The following MAGI2 variants were observed in gnomAD, a reference collection of about 807,000 sequenced individuals.
MAGI2 encodes the protein membrane-associated guanylate kinase, WW and PDZ domain-containing protein 2.
Under a neutral mutation model 133.3 loss-of-function variants are expected in MAGI2, and 35 were observed. That is an observed-to-expected ratio of 0.26 (90% CI 0.20 to 0.35). The LOEUF (loss-of-function observed/expected upper bound fraction) is 0.35. MAGI2 is among the 10% of genes least tolerant of loss of function. The pLI, the probability that MAGI2 is intolerant of heterozygous loss-of-function variation, is 1.00. For synonymous variants in MAGI2, 729 were observed against 710.6 expected, an observed-to-expected ratio of 1.03 and a Z score of -0.41; for missense variants, 1,636 against 1,863.4, an observed-to-expected ratio of 0.88 and a Z score of 2.25.
intron 2 of MAGI2, among the ~76,000 whole-genome samples, chr7:78,655,266 C>T (rs1219174081): frequency 6.6e-6 from 1 of 151,736 alleles, no homozygotes; most frequent in African/African-American, 2.4e-5. Flanking sequence ...GTTATCAAGG[C>T]CCTGAGGCTG....
intron 2 of MAGI2, among the ~76,000 whole-genome samples, chr7:78,941,790 G>T (rs936334866): frequency 6.9e-6 from 1 of 144,350 alleles, no homozygotes; most frequent in Admixed American, 7.0e-5. Flanking sequence ...CTTTACTCAT[G>T]CTTTTCCATT....
At chr7:79,433,153 A>G (rs1847889417) in intron 1 of MAGI2, among the ~76,000 whole-genome samples, 1 of 152,238 alleles carries the variant, frequency 6.6e-6, no homozygotes, top group Admixed American at 6.5e-5. Flanking sequence ...CTATTCCGAT[A>G]CATGAAAGAA....
At chr7:78,512,070 C>A (rs1359974421) in intron 4 of MAGI2, among the ~76,000 whole-genome samples, 1 of 150,356 alleles carries the variant, frequency 6.7e-6, no homozygotes, top group East Asian at 2.0e-4. Flanking sequence ...TTGCGGTGAG[C>A]GGAGATCGTG....
chr7:78,290,279 C>A (rs1034881283), intron 9 of MAGI2, among the ~76,000 whole-genome samples: 23 of 151,958 alleles, frequency 1.5e-4, no homozygotes, highest in Non-Finnish European at 3.1e-4. Flanking sequence ...AAATGGAAAA[C>A]AAAAAGAGCA....
intron 6 of MAGI2, among the ~76,000 whole-genome samples, chr7:78,413,872 C>T (rs1204211841): frequency 6.6e-6 from 1 of 151,924 alleles, no homozygotes; most frequent in East Asian, 1.9e-4. Flanking sequence ...AATGGGAAAA[C>T]AAGATTGCAG....
intron 1 of MAGI2, among the ~76,000 whole-genome samples, chr7:79,380,844 ATTTGTAT>A (rs1467773418): frequency 6.6e-6 from 1 of 151,812 alleles, no homozygotes; most frequent in Non-Finnish European, 1.5e-5. Flanking sequence ...CAAAGTAATT[ATTTGTAT>A]GCCATTAGCA....
intron 2 of MAGI2, among the ~76,000 whole-genome samples, chr7:78,631,470 G>C (rs948531531): frequency 2.6e-5 from 4 of 152,126 alleles, no homozygotes; most frequent in South Asian, 2.1e-4. Flanking sequence ...GAAGCACCAG[G>C]CTGATCACAT....
intron 2 of MAGI2, among the ~76,000 whole-genome samples, chr7:78,767,342 A>T (rs943920606): frequency 6.7e-6 from 1 of 149,338 alleles, no homozygotes; most frequent in Non-Finnish European, 1.5e-5. Context: ...CAAAAAGGCA[A>T]CACACTTTTT....
chr7:78,822,806 T>G (rs1790241771), intron 2 of MAGI2, among the ~76,000 whole-genome samples: 1 of 152,154 alleles, frequency 6.6e-6, no homozygotes, highest in African/African-American at 2.4e-5. Flanking sequence ...ATGCTAAGTT[T>G]TCTTGTAACT....
intron 1 of MAGI2, among the ~76,000 whole-genome samples, chr7:79,259,842 G>A (rs563227298): frequency 2.0e-4 from 30 of 152,230 alleles, no homozygotes; most frequent in Middle Eastern, 3.4e-3. Flanking sequence ...ACACAAAATG[G>A]TGGTAAGATA....
intron 7 of MAGI2, among the ~76,000 whole-genome samples, chr7:78,349,657 A>G (rs1791289570): frequency 1.3e-5 from 2 of 152,226 alleles, no homozygotes; most frequent in Admixed American, 1.3e-4. Context: ...CCCCACAGAC[A>G]GCAAAAGCAG....
chr7:79,289,474 C>T (rs560805251), intron 1 of MAGI2, among the ~76,000 whole-genome samples: 2 of 152,026 alleles, frequency 1.3e-5, no homozygotes, highest in African/African-American at 2.4e-5. Context: ...TTACTGAGAT[C>T]GTAAAATCAA....
chr7:78,378,037 T>C (rs1794606611), intron 6 of MAGI2, among the ~76,000 whole-genome samples: 1 of 151,982 alleles, frequency 6.6e-6, no homozygotes, highest in African/African-American at 2.4e-5. Flanking sequence ...TTTAAAAGCT[T>C]TGAACATTAA....
chr7:78,457,590 C>T (rs901289662), intron 6 of MAGI2, among the ~76,000 whole-genome samples: 9 of 152,040 alleles, frequency 5.9e-5, no homozygotes, highest in African/African-American at 1.9e-4. Context: ...ACATGATAGT[C>T]CATGTTCTTT....
intron 2 of MAGI2, among the ~76,000 whole-genome samples, chr7:78,961,307 C>G (rs1203958741): frequency 6.6e-6 from 1 of 152,026 alleles, no homozygotes; most frequent in African/African-American, 2.4e-5. Context: ...CTGTGCAGCC[C>G]CTCGAGGCTC....
At chr7:78,994,105 G>A (rs145801841) in intron 2 of MAGI2, among the ~76,000 whole-genome samples, 7 of 152,048 alleles carry the variant, frequency 4.6e-5, no homozygotes, top group African/African-American at 7.2e-5. Context: ...ATATTATTGC[G>A]CCCAAAGAAA....
intron 1 of MAGI2, among the ~76,000 whole-genome samples, chr7:79,127,304 G>T (rs1178851953): frequency 6.6e-6 from 1 of 152,044 alleles, no homozygotes; most frequent in Non-Finnish European, 1.5e-5. Context: ...TAATCTTTTG[G>T]ATATATACCC....
chr7:78,444,712 A>C (rs17431054), intron 6 of MAGI2, among the ~76,000 whole-genome samples: 13,132 of 151,332 alleles, frequency 0.087, 566 homozygotes, highest in African/African-American at 0.1. Flanking sequence ...TAACTTTTGA[A>C]CTTTCTACTG....
intron 1 of MAGI2, among the ~76,000 whole-genome samples, chr7:79,360,235 GT>G (rs1842296234): frequency 6.6e-6 from 1 of 152,022 alleles, no homozygotes; most frequent in Non-Finnish European, 1.5e-5. Context: ...TGTTTCCAAA[GT>G]CAACATACTA....
Sources: allele counts gnomAD v4.1 joint callset (sites outside exome capture counted in the v4.1 genomes callset), GRCh38; gene constraint gnomAD v4.1.1; transcripts MANE v1.5; gene names NCBI Gene and HGNC (gene_info 2026-07-23, HGNC 2026-07-21).